ACTR8: variants seen among roughly 807,000 people sequenced by gnomAD.
ACTR8 encodes the protein actin-related protein 8.
ACTR8 carries 70 observed loss-of-function variants against 84.3 expected under a neutral mutation model. That is an observed-to-expected ratio of 0.83 (90% CI 0.68 to 1.01). The LOEUF is 1.01. ACTR8 is among the 50% of genes least tolerant of loss of function. ACTR8 has a pLI of 0.00. For missense variants in ACTR8, 672 were observed against 775.4 expected (o/e 0.87, Z 1.58); for synonymous variants, 268 against 275.2 (o/e 0.97, Z 0.26).
In ACTR8 at chr3:53,872,925, G is replaced by A. The variant is rs188847131; in HGVS notation, c.1161+107C>T. ...TGGTTTAGTGGATAATCTACAATCA[G>A]TTGACATTCTGATCTCACAATGTTT... On this transcript the variant is annotated intron_variant, in intron 9 of 12. Coordinates refer to ENST00000335754, the MANE Select transcript of ACTR8 (RefSeq NM_022899.5). 470 of 900,394 alleles carry A rather than the reference G, an allele frequency of 5.2e-4. 5 individuals are homozygous for A. The African/African-American group carries it at 7.2e-3, about 14-fold the overall frequency. 55.8% of individuals were successfully genotyped at this position (900,394 alleles called of 1,614,324 possible).
chr3:53,871,515 A>T lies in ACTR8; in HGVS notation c.1303-19T>A, dbSNP rs1349242813. 2 of 1,613,106 alleles carry T rather than the reference A, an allele frequency of 1.2e-6. No homozygotes were observed. Among genetic ancestry groups the T allele is most frequent in the Non-Finnish European group, 1.7e-6 (2 of 1,179,628 alleles). ...TTGCAGACTTTAAATCAAAAGGACA[A>T]TCAAGTATGTGGTATTACAACAACA... On this transcript the variant is annotated intron_variant, in intron 10 of 12. Transcript: ENST00000335754.
chr3:53,863,205 G>A (rs999320150), downstream of ACTR8, among the ~76,000 whole-genome samples: 1 of 152,184 alleles, frequency 6.6e-6, no homozygotes, highest in African/African-American at 2.4e-5. Context: ...GTCAACAGTA[G>A]GCTATTAGAA....
rs1699831869 is a variant in ACTR8 at position 53,868,571 on chromosome 3, GT to G, written c.*147del. ...AAGCAGTTTATATTTTCAAACCAAT[GT>G]CATGTCCTCAACATAAAGTTCAAAT... On this transcript the variant is annotated 3_prime_UTR_variant, in exon 13 of 13. Coordinates refer to ENST00000335754, the MANE Select transcript of ACTR8 (RefSeq NM_022899.5). The G allele has an allele frequency of 1.9e-5, 23 of 1,239,374 alleles. No homozygotes were observed. The highest frequency in any genetic ancestry group is 2.4e-5 in the Non-Finnish European group (22 of 908,784). The allele number at this position is 1,239,374 out of a possible 1,614,324, so 76.8% of individuals were successfully genotyped here. A position where few individuals can be genotyped will look rare whatever the true frequency, so the allele number is the denominator to read the frequency against.
intron 9 of ACTR8, 123 bp from the exon 10 acceptor site, chr3:53,872,647 A>C: frequency 8.2e-7 from 1 of 1,222,204 alleles, no homozygotes. Flanking sequence ...AGACTGGGCA[A>C]TGTTCTCTTT....
At chr3:53,872,684 A>G (rs1287451750) in intron 9 of ACTR8, among the ~76,000 whole-genome samples, 160 bp from the exon 10 acceptor site, 3 of 152,228 alleles carry the variant, frequency 2.0e-5, no homozygotes, top group African/African-American at 7.2e-5. Flanking sequence ...TCTCTGGTGC[A>G]CCATAGGCCA....
chr3:53,871,112 G>A, intron 11 of ACTR8, 120 bp downstream of exon 11: 4 of 1,371,720 alleles, frequency 2.9e-6, no homozygotes, highest in African/African-American at 1.4e-5. Flanking sequence ...AAGCCAAGTA[G>A]GCGCTTAATC....
At chr3:53,859,673 T>A in the ACTR8 span, 1 of 153,840 alleles carries the variant, frequency 6.5e-6, no homozygotes, top group African/African-American at 2.4e-5. Context: ...TAGTTCCTAC[T>A]GTGAAAATGC....
intron 8 of ACTR8, among the ~76,000 whole-genome samples, chr3:53,873,948 C>G (rs1252261544): frequency 6.6e-6 from 1 of 152,142 alleles, no homozygotes; most frequent in Non-Finnish European, 1.5e-5. Flanking sequence ...CCTCAGCCTC[C>G]CGAGTAGCTG....
rs1372654724 is a variant in ACTR8, at chr3:53,878,406, G to A, written c.356C>T (p.Ser119Phe). Residue 119 changes from serine to phenylalanine, a missense_variant, in exon 3 of 13, where the codon TCT becomes TTT. Transcript: ENST00000335754. ...TCTTGTACCATTGGACATCTTTTTA[G>A]ACCATATTGCTTGATCCACCATTTT... ...GLKMVDQAIW[S>F]KKMSNGTRRI... 6.2e-7 allele frequency: 1 copy of A among 1,613,404 alleles called. No individual in the cohort carries two copies. Among genetic ancestry groups the A allele is most frequent in the South Asian group, 1.1e-5 (1 of 90,812 alleles).
chr3:53,875,192 C>G (rs1013263006), intron 7 of ACTR8, among the ~76,000 whole-genome samples: 1 of 152,150 alleles, frequency 6.6e-6, no homozygotes, highest in African/African-American at 2.4e-5. Flanking sequence ...AATGGATGAG[C>G]CAAATAACTC....
Position 53,877,751 on chromosome 3 carries a change from C to T in ACTR8, c.406G>A (p.Ala136Thr). ...CGCATCTGCTTATTGTAGGAGCGTGCCTGAAAAGAAAAACCATCAGAAAAT... is the reference window on the plus strand; with the variant it reads ...CGCATCTGCTTATTGTAGGAGCGTGTCTGAAAAGAAAAACCATCAGAAAAT... ...TRRIPVSPEQ[A>T]RSYNKQMRPA... is the part of the protein sequence containing the mutation. Residue 136 changes from alanine to threonine, a missense_variant and splice_region_variant, in exon 4 of 13, where the codon GCA (alanine) becomes ACA (threonine). Transcript: ENST00000335754. The T allele has an allele frequency of 6.2e-7, 1 of 1,613,014 alleles. No individual in the cohort carries two copies. The highest frequency in any genetic ancestry group is 8.5e-7 in the Non-Finnish European group (1 of 1,179,340).
intron 12 of ACTR8, among the ~76,000 whole-genome samples, 177 bp downstream of exon 12, chr3:53,869,805 C>T (rs1013479331): frequency 6.6e-6 from 1 of 152,124 alleles, no homozygotes; most frequent in Non-Finnish European, 1.5e-5. Flanking sequence ...AAATCCAGTA[C>T]CTTAGGCCAG....
At chr3:53,864,427 C>T (rs367979026), downstream of ACTR8, among the ~76,000 whole-genome samples, 21 of 151,968 alleles carry the variant, frequency 1.4e-4, no homozygotes, top group East Asian at 2.5e-3. Context: ...CCCAGCTACT[C>T]GGGAGGCTGA....
At chr3:53,862,397 A>T (rs930774319), downstream of ACTR8, among the ~76,000 whole-genome samples, 4 of 152,234 alleles carry the variant, frequency 2.6e-5, no homozygotes, top group African/African-American at 9.6e-5. Flanking sequence ...AGATGCCATC[A>T]TTGTGACAGA....
At chr3:53,876,180 G>C in intron 6 of ACTR8, 100 bp from the exon 7 acceptor site, 1 of 1,426,252 alleles carries the variant, frequency 7.0e-7, no homozygotes, top group Non-Finnish European at 9.6e-7. Context: ...GGGACCTCTG[G>C]GCAGGGCATC....
Position 53,874,631 on chromosome 3 carries a change from C to T in ACTR8, c.912-267G>A, listed in dbSNP as rs1041811431. Among the ~76,000 whole-genome samples, 12 of 151,460 alleles carry T rather than the reference C, an allele frequency of 7.9e-5. 1 individual carries two copies. Among genetic ancestry groups the T allele is most frequent in the African/African-American group, 2.4e-4 (10 of 41,168 alleles). ...CCCAGCTACTCGGGAGGCTGAGGCA[C>T]GAGAATTGCTTGAACCCAGGAGGAA... is the stretch of plus-strand genomic sequence containing the variant. On this transcript the variant is annotated intron_variant, in intron 7 of 12. Transcript: ENST00000335754.
At chr3:53,876,475 C>G in intron 6 of ACTR8, 145 bp downstream of exon 6, 1 of 593,754 alleles carries the variant, frequency 1.7e-6, no homozygotes, top group South Asian at 1.9e-5. Flanking sequence ...GCTGAGATAG[C>G]GCCACTGCAC....
intron 12 of ACTR8, 100 bp from the exon 13 acceptor site, chr3:53,868,962 C>T (rs1699840781): frequency 6.9e-7 from 1 of 1,446,158 alleles, no homozygotes; most frequent in Non-Finnish European, 9.3e-7. Context: ...TGAGTCAATA[C>T]CTAGTAAGCC....
At chr3:53,874,438 T>G in intron 7 of ACTR8, 74 bp from the exon 8 acceptor site, 3 of 1,493,444 alleles carry the variant, frequency 2.0e-6, no homozygotes, top group Non-Finnish European at 2.7e-6. Flanking sequence ...AAGAAATCCA[T>G]TAATGGCTGG....
Sources: gnomAD v4.1 joint callset for allele counts (sites outside exome capture counted in the v4.1 genomes callset) on GRCh38, gnomAD v4.1.1 for gene constraint, MANE v1.5 for transcripts, NCBI Gene and HGNC (gene_info 2026-07-23, HGNC 2026-07-21) for gene names.